The following DPP10 variants were observed in gnomAD, a reference collection of about 807,000 sequenced individuals.
The protein encoded by DPP10 is inactive dipeptidyl peptidase 10.
A neutral mutation model predicts 120.9 loss-of-function variants in DPP10; 33 were observed. The ratio of observed to expected loss-of-function variants is 0.27; its 90% CI spans 0.21 to 0.37. The LOEUF (loss-of-function observed/expected upper bound fraction) is 0.37. DPP10 is among the 10% of genes least tolerant of loss of function. The pLI is 1.00. For synonymous variants in DPP10, 337 were observed against 326.1 expected, an observed-to-expected ratio of 1.03 and a Z score of -0.36; for missense variants, 816 against 942.8, an observed-to-expected ratio of 0.87 and a Z score of 1.76.
At chr2:114,599,963 G>C (rs1692233252) in intron 1 of DPP10, among the ~76,000 whole-genome samples, 1 of 150,192 alleles carries the variant, frequency 6.7e-6, no homozygotes, top group South Asian at 2.1e-4. Context: ...TTATAAATTT[G>C]TCTTTTGTTT....
intron 5 of DPP10, among the ~76,000 whole-genome samples, chr2:115,657,350 A>G (rs1402056956): frequency 1.3e-5 from 2 of 151,810 alleles, no homozygotes; most frequent in Admixed American, 6.6e-5. Flanking sequence ...TACACTGTCA[A>G]ACATCAAGTT....
chr2:115,337,863 C>A (rs980420075), intron 2 of DPP10, among the ~76,000 whole-genome samples: 1 of 151,570 alleles, frequency 6.6e-6, no homozygotes, highest in South Asian at 2.1e-4. Context: ...AAGAAAAAAA[C>A]AAAGAAATGA....
intron 1 of DPP10, among the ~76,000 whole-genome samples, chr2:114,838,581 G>A (rs768523432): frequency 6.6e-6 from 1 of 152,106 alleles, no homozygotes; most frequent in Non-Finnish European, 1.5e-5. Context: ...ACAGGTATGA[G>A]CCACTGTGCC....
In DPP10 at chr2:115,309,317, T is replaced by G. The variant is rs777026776; in HGVS notation, c.139T>G (p.Ser47Ala). 7.4e-6 allele frequency: 12 copies of G among 1,613,444 alleles called. No individual in the cohort carries two copies. The highest frequency in any genetic ancestry group is 1.0e-5 in the Non-Finnish European group (12 of 1,179,638). ...TCTGCTGGTGATTTTAGTTGTATGCTCACTCATCACTATGTCAGTCATCCT... is the reference window on the plus strand; with the variant it reads ...TCTGCTGGTGATTTTAGTTGTATGCGCACTCATCACTATGTCAGTCATCCT... ...IALLVILVVCSLITMSVILLT... is the reference protein window; with the variant it reads ...IALLVILVVCALITMSVILLT... Residue 47 changes from serine (S) to alanine (A), a missense_variant, in exon 2 of 26, where the codon TCA becomes GCA. By Grantham distance (99) the Ser-to-Ala change is moderately conservative. Around this residue, in one of 3 missense-constraint regions of DPP10, gnomAD observed 182 missense variants for 207.4 expected, o/e 0.88. Coordinates refer to ENST00000410059, the MANE Select transcript of DPP10 (RefSeq NM_020868.6).
intron 1 of DPP10, among the ~76,000 whole-genome samples, chr2:114,620,438 C>T (rs1047990496): frequency 2.0e-5 from 3 of 151,914 alleles, no homozygotes; most frequent in African/African-American, 7.2e-5. Context: ...CTATTCAGAA[C>T]ATTAATTTAA....
Position 115,125,568 on chromosome 2 carries a change from C to CTTT in DPP10, c.61-183653_61-183651dup, listed in dbSNP as rs57686926. ...ACCTAAGTTCAATAGATCATAATGG[C>CTTT]TTTTTTTTTTTTTTTTTTTTGAGAC... On this transcript the variant is annotated intron_variant, in intron 1 of 25. Coordinates refer to ENST00000410059, the MANE Select transcript of DPP10 (RefSeq NM_020868.6). Among the ~76,000 whole-genome samples the CTTT allele has an allele frequency of 2.6e-3, 293 of 112,140 alleles. 8 individuals carry two copies. The highest frequency in any genetic ancestry group is 0.012 in the East Asian group (37 of 3,194). 73.6% of individuals were successfully genotyped at this position (112,140 alleles called of 152,430 possible). A position where few individuals can be genotyped will look rare whatever the true frequency, so the allele number is the denominator to read the frequency against.
chr2:114,547,701 CA>C (rs1326151792), intron 1 of DPP10, among the ~76,000 whole-genome samples: 1 of 152,156 alleles, frequency 6.6e-6, no homozygotes, highest in Non-Finnish European at 1.5e-5. Flanking sequence ...CCAGTGCATA[CA>C]TAGGTGACAT....
intron 3 of DPP10, among the ~76,000 whole-genome samples, chr2:115,453,271 T>G (rs905070196): frequency 6.6e-6 from 1 of 151,558 alleles, no homozygotes; most frequent in Admixed American, 6.6e-5. Flanking sequence ...TGATTATTGC[T>G]AGAAGGAACT....
At chr2:115,287,722 A>C (rs1446060283) in intron 1 of DPP10, among the ~76,000 whole-genome samples, 1 of 152,120 alleles carries the variant, frequency 6.6e-6, no homozygotes, top group African/African-American at 2.4e-5. Flanking sequence ...ACAATGACCA[A>C]GCTGATAATC....
intron 1 of DPP10, among the ~76,000 whole-genome samples, chr2:114,914,280 A>C (rs1694608556): frequency 6.6e-6 from 1 of 152,236 alleles, no homozygotes; most frequent in Non-Finnish European, 1.5e-5. Context: ...AGGTCAATGC[A>C]AAATAAAAGA....
chr2:115,630,779 T>C (rs1024771116), intron 5 of DPP10, among the ~76,000 whole-genome samples: 1 of 152,196 alleles, frequency 6.6e-6, no homozygotes, highest in African/African-American at 2.4e-5. Flanking sequence ...GATAAGCTTT[T>C]TGATATGTTG....
chr2:114,803,793 G>A (rs959245758), intron 1 of DPP10, among the ~76,000 whole-genome samples: 1 of 152,150 alleles, frequency 6.6e-6, no homozygotes. Context: ...ATAAAAGTTT[G>A]GAAATTTTGC....
chr2:115,525,618 C>T (rs914334304), intron 4 of DPP10, among the ~76,000 whole-genome samples: 1 of 151,730 alleles, frequency 6.6e-6, no homozygotes, highest in African/African-American at 2.4e-5. Context: ...GGCCTTTGAA[C>T]TTTTTAAATA....
chr2:115,378,318 G>C (rs1420872152), intron 3 of DPP10, among the ~76,000 whole-genome samples: 1 of 142,340 alleles, frequency 7.0e-6, no homozygotes, highest in Non-Finnish European at 1.6e-5. Flanking sequence ...TGAAGCAATT[G>C]TGAATGGGAG....
At chr2:114,647,857 T>C (rs911945965) in intron 1 of DPP10, among the ~76,000 whole-genome samples, 3 of 151,844 alleles carry the variant, frequency 2.0e-5, no homozygotes, top group African/African-American at 7.3e-5. Context: ...TAATCTTTTG[T>C]GTTCTGGTCT....
Position 114,664,956 on chromosome 2 carries a change from G to GGCAGAGA in DPP10, c.60+222121_60+222122insGAGAGCA, listed in dbSNP as rs1697800828. On this transcript the variant is annotated intron_variant, in intron 1 of 25. Transcript: ENST00000410059. The stretch of plus-strand genomic sequence containing the variant: ...AGATGGCACAGAGCATCCAAAAGAT[G>GGCAGAGA]GCATAGAGCATCCAAAAGATGGCAG... 4.8e-5 allele frequency among the ~76,000 whole-genome samples: 7 copies of GGCAGAGA among 146,526 alleles called. No individual in the cohort carries two copies. The South Asian group carries it at 6.4e-4, about 13-fold the overall frequency.
intron 1 of DPP10, among the ~76,000 whole-genome samples, chr2:115,228,253 AT>A (rs2057542901): frequency 6.6e-6 from 1 of 151,962 alleles, no homozygotes; most frequent in Non-Finnish European, 1.5e-5. Flanking sequence ...GGCCCTATAC[AT>A]GGGGTACAGG....
intron 5 of DPP10, among the ~76,000 whole-genome samples, chr2:115,559,810 A>G (rs1014036778): frequency 3.9e-5 from 6 of 152,216 alleles, no homozygotes; most frequent in Non-Finnish European, 8.8e-5. Flanking sequence ...AGGCCATTTG[A>G]CAGATATAAT....
chr2:115,495,365 G>GAAAAAAAAAAAAAA (rs3039998), intron 3 of DPP10, among the ~76,000 whole-genome samples: 2 of 82,238 alleles, frequency 2.4e-5, no homozygotes, highest in African/African-American at 9.0e-5. Context: ...GCCATTTTCT[G>GAAAAAAAAAAAAAA]AAAAAAAAAA....
Sources: allele counts gnomAD v4.1 joint callset (sites outside exome capture counted in the v4.1 genomes callset), GRCh38; gene constraint gnomAD v4.1.1; regional missense constraint gnomAD v4.1.1; transcripts MANE v1.5; gene names NCBI Gene and HGNC (gene_info 2026-07-23, HGNC 2026-07-21).